Variants in C19orf84 observed in about 807,000 individuals in gnomAD.
C19orf84 encodes chromosome 19 open reading frame 84.
In C19orf84, 1 loss-of-function variant was observed where a neutral mutation model predicts 4.0. The ratio of observed to expected loss-of-function variants is 0.25; its 90% confidence interval spans 0.09 to 1.19. The LOEUF is 1.19. Among genes scored for constraint, C19orf84 ranks in the 50% most tolerant of loss-of-function variants. The probability of loss-of-function intolerance (pLI) is 0.50; values close to 1 mark genes in which losing one functional copy is unlikely to be tolerated. For missense variants in C19orf84, 224 were observed against 246.8 expected, an observed-to-expected ratio of 0.91 and a Z score of 0.62; for synonymous variants, 123 against 109.6, an observed-to-expected ratio of 1.12 and a Z score of -0.76.
At position 51,388,721 on chromosome 19, in the gene C19orf84, G is replaced by A. The variant is rs1482053103; in HGVS notation, c.*263C>T. On this transcript the variant is annotated 3_prime_UTR_variant, in exon 2 of 2. Coordinates refer to ENST00000574814, the MANE Select transcript of C19orf84 (RefSeq NM_001193623.2). ...GGTAAGGATTGTGGTTGTGGTTGGG[G>A]ATGGCATTGGGAATGGGGTTGAGGC... The A allele has an allele frequency of 1.3e-5, 7 of 532,726 alleles. No individual in the cohort carries two copies. The highest frequency in any genetic ancestry group is 1.1e-4 in the South Asian group (5 of 44,622). 33.0% of individuals were successfully genotyped at this position (532,726 alleles called of 1,614,324 possible).
rs908110811 is a variant in C19orf84 at position 51,389,983 on chromosome 19, CT to C, written c.36-475del. ...GTTCGATGAGTATCTGTTTCTAGCT[CT>C]TTTTTTTTTTTGAGATGGGGTTTCA... On this transcript the variant is annotated intron_variant, in intron 1 of 1. Coordinates refer to ENST00000574814, the MANE Select transcript of C19orf84 (RefSeq NM_001193623.2). The surrounding 1 kb of genome is among the most constrained non-coding windows in gnomAD (Gnocchi z 4.7). 1.2e-3 allele frequency among the ~76,000 whole-genome samples: 179 copies of C among 144,218 alleles called. No individual in the cohort carries two copies. Among genetic ancestry groups the C allele is most frequent in the Non-Finnish European group, 1.1e-3 (70 of 65,214 alleles). 94.6% of individuals were successfully genotyped at this position (144,218 alleles called of 152,430 possible). A position where few individuals can be genotyped will look rare whatever the true frequency, so the allele number is the denominator to read the frequency against.
chr19:51,390,380 T>C (rs1987275230), intron 1 of C19orf84, 98 bp downstream of exon 1: 2 of 1,220,710 alleles, frequency 1.6e-6, no homozygotes, highest in South Asian at 1.6e-5. Context: ...TGATTCTCTA[T>C]GCAGGTCTGT....
In C19orf84 at chr19:51,388,823, A is replaced by G; in HGVS notation, c.*161T>C. On this transcript the variant is annotated 3_prime_UTR_variant, in exon 2 of 2. Transcript: ENST00000574814. ...GATTCAGGTGACTTAGGTCAGGTTC[A>G]CCAAGTGCCTCACAGGAGCTACTCC... The G allele has an allele frequency of 1.3e-6, 1 of 775,396 alleles. No homozygotes were observed. Among genetic ancestry groups the G allele is most frequent in the Non-Finnish European group, 2.0e-6 (1 of 497,730 alleles). The allele number at this position is 775,396 out of a possible 1,614,324, so 48.0% of individuals were successfully genotyped here.
In C19orf84 at chr19:51,390,329, C is replaced by T. The variant is rs543694487; in HGVS notation, c.35+149G>A. The T allele has an allele frequency of 1.5e-3, 986 of 637,538 alleles. 2 individuals carry two copies. The highest frequency in any genetic ancestry group is 2.1e-3 in the Non-Finnish European group (875 of 421,908). The allele number at this position is 637,538 out of a possible 1,614,324, so 39.5% of individuals were successfully genotyped here. ...ACTCTCACCAAGATCTTCTAAGATT[C>T]TGTACCTATGTGATGATACCTGAGC... On this transcript the variant is annotated intron_variant, in intron 1 of 1. Transcript: ENST00000574814.
chr19:51,390,344 G>A (rs1987273496), intron 1 of C19orf84, 134 bp downstream of exon 1: 1 of 761,214 alleles, frequency 1.3e-6, no homozygotes, highest in Non-Finnish European at 1.9e-6. Flanking sequence ...CCTATGTGAT[G>A]ATACCTGAGC....
In C19orf84 at chr19:51,388,938, A is replaced by T. The variant is rs924360084; in HGVS notation, c.*46T>A. The T allele has an allele frequency of 4.6e-6, 7 of 1,528,314 alleles. No homozygotes were observed. In the African/African-American group the frequency reaches 9.7e-5, roughly 21 times the overall value. 94.7% of individuals were successfully genotyped at this position (1,528,314 alleles called of 1,614,324 possible). On this transcript the variant is annotated 3_prime_UTR_variant, in exon 2 of 2. Coordinates refer to ENST00000574814, the MANE Select transcript of C19orf84 (RefSeq NM_001193623.2). ...TGAGATCACTCTGGGCCCCAGGAAAACCCTCCTGGGTGACTGCAATCTCAG... is the reference window on the plus strand; with the variant it reads ...TGAGATCACTCTGGGCCCCAGGAAATCCCTCCTGGGTGACTGCAATCTCAG...
chr19:51,388,620 A>C lies in C19orf84; in HGVS notation c.*364T>G, dbSNP rs3826658. On this transcript the variant is annotated 3_prime_UTR_variant, in exon 2 of 2. Transcript: ENST00000574814. The stretch of plus-strand genomic sequence containing the variant: ...AGGGTATTGAGAGTGGGGAAGAGAG[A>C]GGCAGGTAGGAGTGGCTTTGGGATT... The C allele has an allele frequency of 0.093, 25,857 of 278,396 alleles. 1,973 individuals carry two copies. Among genetic ancestry groups the C allele is most frequent in the East Asian group, 0.31 (3,175 of 10,392 alleles). The allele number at this position is 278,396 out of a possible 1,614,324, so 17.2% of individuals were successfully genotyped here. A position where few individuals can be genotyped will look rare whatever the true frequency, so the allele number is the denominator to read the frequency against.
chr19:51,388,886 T>C lies in C19orf84; in HGVS notation c.*98A>G. On this transcript the variant is annotated 3_prime_UTR_variant, in exon 2 of 2. Transcript: ENST00000574814. ...TTTGGGGAGAGGGGAGGATGGAAGA[T>C]GTTTCTTGGGGTTCTTCTGACAGGG... 7.5e-7 allele frequency: 1 copy of C among 1,332,918 alleles called. No homozygotes were observed. The highest frequency in any genetic ancestry group is 1.0e-6 in the Non-Finnish European group (1 of 991,286). The allele number at this position is 1,332,918 out of a possible 1,614,324, so 82.6% of individuals were successfully genotyped here. A position where few individuals can be genotyped will look rare whatever the true frequency, so the allele number is the denominator to read the frequency against.
Position 51,389,491 on chromosome 19 carries a change from C to T in C19orf84, c.54G>A (p.Pro18=), listed in dbSNP as rs967309558. The T allele has an allele frequency of 3.4e-5, 49 of 1,427,944 alleles. No homozygotes were observed. The highest frequency in any genetic ancestry group is 3.8e-5 in the Non-Finnish European group (42 of 1,094,774). The allele number at this position is 1,427,944 out of a possible 1,614,324, so 88.5% of individuals were successfully genotyped here. A position where few individuals can be genotyped will look rare whatever the true frequency, so the allele number is the denominator to read the frequency against. The change falls in exon 2 of 2, where the codon CCG becomes CCA. Residue 18 remains proline, a synonymous_variant. Coordinates refer to ENST00000574814, the MANE Select transcript of C19orf84 (RefSeq NM_001193623.2). This position sits in a 1 kb window ranked among gnomAD's most constrained non-coding sequence, Gnocchi z 4.7. ...AGPEGNNLSL[P]SSGTEPWPPA... is the part of the protein sequence containing the mutation. ...GGGGCCATGGCTCGGTCCCAGATGA[C>T]GGCAGGGACAGGTTGTTCCTAGAAC...
At chr19:51,390,241 T>C (rs1375784909) in intron 1 of C19orf84, 1 of 386,626 alleles carries the variant, frequency 2.6e-6, no homozygotes, top group African/African-American at 2.1e-5. Flanking sequence ...CCTCCCAAAG[T>C]GCTGGGATTA....
chr19:51,390,492 C>A lies in C19orf84; in HGVS notation c.21G>T (p.Gly7=). The A allele has an allele frequency of 6.5e-7, 1 of 1,533,896 alleles. No individual in the cohort carries two copies. The highest frequency in any genetic ancestry group is 8.7e-7 in the Non-Finnish European group (1 of 1,145,688). MEQPKD[G]AGPEGNNLSL... ...GTTTGTCTCACCCTTCAGGCCCAGC[C>A]CCGTCCTTTGGTTGTTCCATCTCCA... Residue 7 remains glycine (G), a synonymous_variant, in exon 1 of 2, where the codon GGG becomes GGT. Coordinates refer to ENST00000574814, the MANE Select transcript of C19orf84 (RefSeq NM_001193623.2).
chr19:51,390,103 C>G (rs1008828667), intron 1 of C19orf84, among the ~76,000 whole-genome samples: 3 of 151,902 alleles, frequency 2.0e-5, no homozygotes, highest in Non-Finnish European at 4.4e-5. Context: ...CTCAGCCTGT[C>G]GAGTACCTGG....
chr19:51,389,356 G>A lies in C19orf84; in HGVS notation c.189C>T (p.Thr63=). The change falls in exon 2 of 2, where the codon ACC becomes ACT. Residue 63 remains threonine, a synonymous_variant. Transcript: ENST00000574814. This position sits in a 1 kb window ranked among gnomAD's most constrained non-coding sequence, Gnocchi z 4.7. ...GGGCGCTGTGCAGGAGGCAGGAGAG[G>A]GTGTCCAGGCGTATGGGCACGGTGA... ...ASVTVPIRLD[T]LSCLLHSALL... is the part of the protein sequence containing the mutation. 1.3e-6 allele frequency: 2 copies of A among 1,528,126 alleles called. No homozygotes were observed. The highest frequency in any genetic ancestry group is 1.8e-6 in the Non-Finnish European group (2 of 1,142,600). 94.7% of individuals were successfully genotyped at this position (1,528,126 alleles called of 1,614,324 possible).
Position 51,389,393 on chromosome 19 carries a change from C to T in C19orf84, c.152G>A (p.Ser51Asn). The T allele has an allele frequency of 6.7e-7, 1 of 1,500,806 alleles. No individual in the cohort carries two copies. Among genetic ancestry groups the T allele is most frequent in the South Asian group, 1.3e-5 (1 of 79,278 alleles). 93.0% of individuals were successfully genotyped at this position (1,500,806 alleles called of 1,614,324 possible). Residue 51 changes from serine (S) to asparagine (N), a missense_variant, in exon 2 of 2, where the codon AGC becomes AAC. Coordinates refer to ENST00000574814, the MANE Select transcript of C19orf84 (RefSeq NM_001193623.2). The surrounding 1 kb of genome is among the most constrained non-coding windows in gnomAD (Gnocchi z 4.7). Reference protein sequence around the residue: ...TDPTHLGLPESVASVTVPIRL... With the variant: ...TDPTHLGLPENVASVTVPIRL... ...TATGGGCACGGTGACAGAGGCCACG[C>T]TCTCCGGGAGCCCCAGGTGGGTGGG...
In C19orf84 at chr19:51,390,532, C is replaced by T. The variant is rs748989888; in HGVS notation, c.-20G>A. The T allele has an allele frequency of 3.3e-6, 5 of 1,524,386 alleles. No homozygotes were observed. In the African/African-American group the frequency reaches 5.5e-5, roughly 17 times the overall value. The allele number at this position is 1,524,386 out of a possible 1,614,324, so 94.4% of individuals were successfully genotyped here. A position where few individuals can be genotyped will look rare whatever the true frequency, so the allele number is the denominator to read the frequency against. ...TTCCATCTCCACTGGGGCCCTCTTA[C>T]GTATCTTCTAGCAACTTCGCCTCCG... is the stretch of plus-strand genomic sequence containing the variant. On this transcript the variant is annotated 5_prime_UTR_variant, in exon 1 of 2. Transcript: ENST00000574814.
In C19orf84 at chr19:51,388,739, G is replaced by A. The variant is rs1987173247; in HGVS notation, c.*245C>T. On this transcript the variant is annotated 3_prime_UTR_variant, in exon 2 of 2. Transcript: ENST00000574814. ...GGTTGGGGATGGCATTGGGAATGGG[G>A]TTGAGGCCATCAAGGAGACAGGTTT... 8 of 563,784 alleles carry A rather than the reference G, an allele frequency of 1.4e-5. No individual in the cohort carries two copies. The highest frequency in any genetic ancestry group is 2.2e-5 in the Non-Finnish European group (7 of 317,408). 34.9% of individuals were successfully genotyped at this position (563,784 alleles called of 1,614,324 possible). A position where few individuals can be genotyped will look rare whatever the true frequency, so the allele number is the denominator to read the frequency against.
chr19:51,390,380 T>G (rs1987275230), intron 1 of C19orf84, 98 bp downstream of exon 1: 4 of 1,220,828 alleles, frequency 3.3e-6, no homozygotes, highest in Non-Finnish European at 4.4e-6. Context: ...TGATTCTCTA[T>G]GCAGGTCTGT....
chr19:51,389,208 G>T lies in C19orf84; in HGVS notation c.337C>A (p.His113Asn). The T allele has an allele frequency of 3.3e-6, 5 of 1,534,440 alleles. No individual in the cohort carries two copies. The highest frequency in any genetic ancestry group is 4.4e-6 in the Non-Finnish European group (5 of 1,145,860). Residue 113 changes from histidine (H) to asparagine (N), a missense_variant, in exon 2 of 2, where the codon CAC becomes AAC. By Grantham distance (68) the His-to-Asn change is moderately conservative. Coordinates refer to ENST00000574814, the MANE Select transcript of C19orf84 (RefSeq NM_001193623.2). The surrounding 1 kb of genome is among the most constrained non-coding windows in gnomAD (Gnocchi z 4.7). ...PRGRGGWEVR[H>N]RPGWGRGLHR... is the part of the protein sequence containing the mutation. The stretch of plus-strand genomic sequence containing the variant: ...AGGCCTCGGCCCCAGCCTGGCCTGT[G>T]CCTGACTTCCCAGCCTCCGCGTCCC...
Position 51,389,545 on chromosome 19 carries a change from C to A in C19orf84, c.36-36G>T, listed in dbSNP as rs1420684902. ...AAAAAGACAGGTCAGTGGGGCTCAGCGTCTCCGTACTTTCTTGTTTCTCGC... is the reference window on the plus strand; with the variant it reads ...AAAAAGACAGGTCAGTGGGGCTCAGAGTCTCCGTACTTTCTTGTTTCTCGC... On this transcript the variant is annotated intron_variant, in intron 1 of 1. Transcript: ENST00000574814. This position sits in a 1 kb window ranked among gnomAD's most constrained non-coding sequence, Gnocchi z 4.7. 1 of 1,369,798 alleles carries A rather than the reference C, an allele frequency of 7.3e-7. No homozygotes were observed. The highest frequency in any genetic ancestry group is 9.4e-7 in the Non-Finnish European group (1 of 1,064,968). The allele number at this position is 1,369,798 out of a possible 1,614,324, so 84.9% of individuals were successfully genotyped here. A position where few individuals can be genotyped will look rare whatever the true frequency, so the allele number is the denominator to read the frequency against.
Sources: gnomAD v4.1 joint callset for allele counts (sites outside exome capture counted in the v4.1 genomes callset) on GRCh38, gnomAD v4.1.1 for gene constraint, Gnocchi (gnomAD v3.1) non-coding constraint, MANE v1.5 for transcripts, NCBI Gene and HGNC (gene_info 2026-07-23, HGNC 2026-07-21) for gene names.